Variants in PPL observed in about 807,000 individuals in gnomAD.
PPL encodes periplakin, also known as 190 kDa paraneoplastic pemphigus antigen.
Under a neutral mutation model 194.4 loss-of-function variants are expected in PPL, and 198 were observed. The ratio of observed to expected loss-of-function variants is 1.02; its 90% CI spans 0.91 to 1.15. The LOEUF (loss-of-function observed/expected upper bound fraction) is 1.15, where lower values mean the gene tolerates loss of function less well. Among genes scored for constraint, PPL ranks in the 50% most tolerant of loss-of-function variants. The probability of loss-of-function intolerance (pLI) is 0.00; values close to 1 mark genes in which losing one functional copy is unlikely to be tolerated. For synonymous variants in PPL, 1,220 were observed against 972.4 expected (o/e 1.25, Z -4.74); for missense variants, 2,885 against 2,294.8 (o/e 1.26, Z -5.25).
At chr16:4,904,485 G>A (rs767930017) in intron 2 of PPL, among the ~76,000 whole-genome samples, 10 of 152,112 alleles carry the variant, frequency 6.6e-5, no homozygotes, top group Admixed American at 1.3e-4. Context: ...CTCCAGAGGT[G>A]GAACGAGGGG....
chr16:4,927,115 G>A (rs2089168739), intron 1 of PPL, among the ~76,000 whole-genome samples: 2 of 152,118 alleles, frequency 1.3e-5, no homozygotes. Flanking sequence ...ATGTAAATGA[G>A]TTAATTTTGC....
At chr16:4,914,729 A>C (rs138561465) in intron 1 of PPL, among the ~76,000 whole-genome samples, 170 of 152,270 alleles carry the variant, frequency 1.1e-3, no homozygotes, top group African/African-American at 3.9e-3. Context: ...GCAGTGGAGA[A>C]AGCCAGTGTT....
intron 16 of PPL, chr16:4,891,563 G>A (rs2088319788): frequency 7.1e-6 from 3 of 424,298 alleles, no homozygotes; most frequent in South Asian, 5.5e-5. Flanking sequence ...ACAGGCATGT[G>A]CCACTACACT....
In PPL at chr16:4,893,458, C is replaced by T. The variant is rs576267048; in HGVS notation, c.1492+83G>A. 237 of 1,589,102 alleles carry T rather than the reference C, an allele frequency of 1.5e-4. 1 individual carries two copies. In the African/African-American group the frequency reaches 2.6e-3, roughly 17 times the overall value. ...TGGACCTAGGCAGCCAGCCCCCCGC[C>T]GTCTCATCCACAGCACAGACCCTGG... On this transcript the variant is annotated intron_variant, in intron 13 of 21. Transcript: ENST00000345988.
In PPL at chr16:4,894,435, G is replaced by A. The variant is rs755986652; in HGVS notation, c.1394+32C>T. ...CTGAGAAGCCCTGGGGGTGGGACTG[G>A]TCCATGCAGACTCCCGCCTTTGCCC... On this transcript the variant is annotated intron_variant, in intron 12 of 21. Transcript: ENST00000345988. 8 of 1,611,796 alleles carry A rather than the reference G, an allele frequency of 5.0e-6. No individual in the cohort carries two copies. The East Asian group carries it at 1.3e-4, about 27-fold the overall frequency.
chr16:4,918,469 G>T (rs956759617), intron 1 of PPL, among the ~76,000 whole-genome samples: 1 of 152,130 alleles, frequency 6.6e-6, no homozygotes, highest in South Asian at 2.1e-4. Context: ...TGCCCACTGC[G>T]AAGCAAGTCA....
In PPL at chr16:4,893,613, G is replaced by C. The variant is rs190987244; in HGVS notation, c.1420C>G (p.Arg474Gly). Residue 474 changes from arginine to glycine, a missense_variant, in exon 13 of 22, where the codon CGG (arginine) becomes GGG (glycine). Transcript: ENST00000345988. ...CGTTTGCTCCCAGCTGCCTTCTGCC[G>C]CACGCTCCGGTACTGGCTGCCCAGG... Reference protein sequence around the residue: ...DSLGSQYRSVRQKAAGSKRTL... With the variant: ...DSLGSQYRSVGQKAAGSKRTL... 3.7e-6 allele frequency: 6 copies of C among 1,603,610 alleles called. No homozygotes were observed. The East Asian group carries it at 1.1e-4, about 30-fold the overall frequency.
chr16:4,897,830 G>A lies in PPL; in HGVS notation c.877-60C>T, dbSNP rs1242704660. 94 of 1,393,468 alleles carry A rather than the reference G, an allele frequency of 6.7e-5. 2 individuals carry two copies. The highest frequency in any genetic ancestry group is 6.3e-4 in the Admixed American group (36 of 57,266). The allele number at this position is 1,393,468 out of a possible 1,614,324, so 86.3% of individuals were successfully genotyped here. A position where few individuals can be genotyped will look rare whatever the true frequency, so the allele number is the denominator to read the frequency against. On this transcript the variant is annotated intron_variant, in intron 8 of 21. Transcript: ENST00000345988. ...CAGGTACTGCAGACACCAAGGGAGG[G>A]ACTGCTGGGATATTGGGCTGGGGCA...
At chr16:4,897,245 G>C (rs1004348959) in intron 9 of PPL, among the ~76,000 whole-genome samples, 1 of 137,194 alleles carries the variant, frequency 7.3e-6, no homozygotes, top group Non-Finnish European at 1.5e-5. Context: ...TGAGGCAGGA[G>C]AATCACTTGA....
chr16:4,936,944 G>A (rs771479294), intron 1 of PPL, 40 bp downstream of exon 1: 3 of 1,567,250 alleles, frequency 1.9e-6, no homozygotes, highest in East Asian at 2.5e-5. Flanking sequence ...GCCCACAGGG[G>A]CAAGAGCGTC....
intron 1 of PPL, among the ~76,000 whole-genome samples, chr16:4,933,765 C>T (rs958617315): frequency 2.0e-5 from 3 of 152,182 alleles, no homozygotes; most frequent in Non-Finnish European, 4.4e-5. Context: ...GGAGGTTGTC[C>T]ACGTCTCCTC....
chr16:4,897,606 G>A (rs999331906), intron 9 of PPL, 69 bp downstream of exon 9: 2 of 1,265,018 alleles, frequency 1.6e-6, no homozygotes, highest in Non-Finnish European at 2.3e-6. Flanking sequence ...ACATGAGCCA[G>A]GTAGGCACTG....
At chr16:4,897,861 G>A in intron 8 of PPL, 91 bp from the exon 9 acceptor site, 1 of 1,001,258 alleles carries the variant, frequency 1.0e-6, no homozygotes, top group Non-Finnish European at 1.5e-6. Context: ...GGGCATGGCG[G>A]GGGAGGGAGG....
chr16:4,929,671 G>T (rs1368613631), intron 1 of PPL, among the ~76,000 whole-genome samples: 7 of 152,022 alleles, frequency 4.6e-5, no homozygotes, highest in African/African-American at 1.7e-4. Context: ...AGATTTACTG[G>T]TTCTTCCTAA....
At chr16:4,910,813 G>A (rs535645414) in intron 2 of PPL, 37 bp downstream of exon 2, 16 of 1,556,794 alleles carry the variant, frequency 1.0e-5, no homozygotes, top group South Asian at 6.7e-5. Flanking sequence ...CTGGCAGCAC[G>A]GGGCACCCAG....
Position 4,889,034 on chromosome 16 carries a change from C to G in PPL, c.2341G>C (p.Glu781Gln). ...GCACAGATCTTCTGTACTTCCTGCTCCCTACTTGCTATCTCATCTAGCAGG... is the reference window on the plus strand; with the variant it reads ...GCACAGATCTTCTGTACTTCCTGCTGCCTACTTGCTATCTCATCTAGCAGG... Reference protein sequence around the residue: ...KNLLDEIASREQEVQKICANS... With the variant: ...KNLLDEIASRQQEVQKICANS... The change falls in exon 19 of 22, where the codon GAG (glutamate) becomes CAG (glutamine). Residue 781 changes from glutamate to glutamine, a missense_variant. By Grantham distance (29) the Glu-to-Gln change is conservative. Transcript: ENST00000345988. 1 of 1,613,716 alleles carries G rather than the reference C, an allele frequency of 6.2e-7. No homozygotes were observed. Among genetic ancestry groups the G allele is most frequent in the Non-Finnish European group, 8.5e-7 (1 of 1,179,876 alleles).
chr16:4,909,887 C>G (rs2088784787), intron 2 of PPL, among the ~76,000 whole-genome samples: 1 of 152,204 alleles, frequency 6.6e-6, no homozygotes, highest in Non-Finnish European at 1.5e-5. Context: ...GATTTGTGTT[C>G]TGAAATTCAA....
chr16:4,888,872 G>T, intron 19 of PPL, 106 bp downstream of exon 19: 1 of 1,136,572 alleles, frequency 8.8e-7, no homozygotes, highest in Non-Finnish European at 1.3e-6. Flanking sequence ...CGGATGGCCA[G>T]CTCCACCCCC....
Position 4,884,546 on chromosome 16 carries a change from G to GCTCT in PPL, c.4108_4109insAGAG (p.Ala1370GlufsTer15), listed in dbSNP as rs1187139597. ...CTCCACATCGATGCTCTCGGCAAAG[G>GCTCT]CGCTCGCCTCGGCCCGCAGGCCTGG... On this transcript the variant is annotated frameshift_variant, in exon 22 of 22. Transcript: ENST00000345988. LOFTEE classifies it high-confidence loss of function. This position sits in a 1 kb window ranked among gnomAD's most constrained non-coding sequence, Gnocchi z 5.7. 2 of 1,613,336 alleles carry GCTCT rather than the reference G, an allele frequency of 1.2e-6. No homozygotes were observed. The highest frequency in any genetic ancestry group is 2.2e-5 in the South Asian group (2 of 91,058).
Sources: gnomAD v4.1 joint callset for allele counts (sites outside exome capture counted in the v4.1 genomes callset) on GRCh38, gnomAD v4.1.1 for gene constraint, Gnocchi (gnomAD v3.1) non-coding constraint, MANE v1.5 for transcripts, NCBI Gene and HGNC (gene_info 2026-07-23, HGNC 2026-07-21) for gene names.